The following LRRC4C variants were observed in gnomAD, a reference collection of about 807,000 sequenced individuals.
LRRC4C encodes leucine rich repeat containing 4C.
LRRC4C carries 5 observed loss-of-function variants against 33.6 expected under a neutral mutation model. That is an observed-to-expected ratio of 0.15 (90% CI 0.08 to 0.31). The LOEUF is 0.31. LRRC4C is among the 10% of genes least tolerant of loss of function. The pLI is 1.00. For missense variants in LRRC4C, 560 were observed against 796.7 expected (o/e 0.70, Z 3.58); for synonymous variants, 329 against 302.0 (o/e 1.09, Z -0.93).
intron 1 of LRRC4C, among the ~76,000 whole-genome samples, chr11:41,232,893 T>C (rs1001900468): frequency 1.3e-5 from 2 of 152,040 alleles, no homozygotes; most frequent in African/African-American, 4.8e-5. Context: ...TAATGTTTAG[T>C]TAAGTCAACA....
intron 2 of LRRC4C, among the ~76,000 whole-genome samples, chr11:40,714,494 A>T (rs1197393867): frequency 6.6e-6 from 1 of 152,198 alleles, no homozygotes; most frequent in Non-Finnish European, 1.5e-5. Context: ...CTTGTAAATC[A>T]ATTGTTTGCA....
chr11:41,015,280 A>G (rs183019796), intron 1 of LRRC4C, among the ~76,000 whole-genome samples: 3 of 152,254 alleles, frequency 2.0e-5, no homozygotes, highest in Admixed American at 1.3e-4. Context: ...TTATTGAAAG[A>G]CCTTTTTATA....
chr11:40,528,478 T>TA (rs551637265), intron 3 of LRRC4C, among the ~76,000 whole-genome samples: 2,742 of 137,906 alleles, frequency 0.02, 89 homozygotes, highest in African/African-American at 0.066. Flanking sequence ...ATGTCTTTTA[T>TA]AAAAAAAAAA....
At chr11:40,272,938 A>G (rs180699000) in intron 4 of LRRC4C, among the ~76,000 whole-genome samples, 169 of 152,000 alleles carry the variant, frequency 1.1e-3, no homozygotes, top group African/African-American at 3.8e-3. Flanking sequence ...CAATATGATT[A>G]AGACTCAAAA....
chr11:40,209,781 A>T (rs976799410), intron 5 of LRRC4C, among the ~76,000 whole-genome samples: 2 of 152,216 alleles, frequency 1.3e-5, no homozygotes, highest in African/African-American at 4.8e-5. Flanking sequence ...CTGTTCCTCA[A>T]GAACTTTAAT....
intron 1 of LRRC4C, among the ~76,000 whole-genome samples, chr11:41,057,054 G>T (rs1858675558): frequency 6.6e-6 from 1 of 152,170 alleles, no homozygotes; most frequent in African/African-American, 2.4e-5. Context: ...ACCCTCCAGG[G>T]CAAAGCTGCA....
At position 40,257,646 on chromosome 11, in the gene LRRC4C, C is replaced by T. The variant is rs142477187; in HGVS notation, c.-175-16048G>A. Among the ~76,000 whole-genome samples the T allele has an allele frequency of 6.8e-3, 1,031 of 152,190 alleles. 13 individuals carry two copies. Among genetic ancestry groups the T allele is most frequent in the African/African-American group, 0.023 (948 of 41,528 alleles). ...TTTCCAGCCAATAAAACATAAAAGACGGCTTAGTAAAGAGTTCTGAGAAAG... is the reference window on the plus strand; with the variant it reads ...TTTCCAGCCAATAAAACATAAAAGATGGCTTAGTAAAGAGTTCTGAGAAAG... On this transcript the variant is annotated intron_variant, in intron 4 of 6. Transcript: ENST00000528697.
intron 1 of LRRC4C, among the ~76,000 whole-genome samples, chr11:41,377,955 T>G (rs1953000034): frequency 6.6e-6 from 1 of 152,182 alleles, no homozygotes. Context: ...TCACTTTCCC[T>G]TATATTTAAT....
At chr11:41,171,821 G>A (rs529800172) in intron 1 of LRRC4C, among the ~76,000 whole-genome samples, 1 of 151,924 alleles carries the variant, frequency 6.6e-6, no homozygotes, top group Non-Finnish European at 1.5e-5. Flanking sequence ...ATTAGCAGGT[G>A]ACCCAATCTG....
At chr11:40,527,197 C>T (rs777558231) in intron 3 of LRRC4C, among the ~76,000 whole-genome samples, 4 of 152,004 alleles carry the variant, frequency 2.6e-5, no homozygotes, top group African/African-American at 7.2e-5. Flanking sequence ...TCTGGGAGCA[C>T]GGACAAAGAG....
intron 1 of LRRC4C, among the ~76,000 whole-genome samples, chr11:41,452,205 C>A (rs1023080972): frequency 2.3e-4 from 35 of 152,062 alleles, no homozygotes; most frequent in Non-Finnish European, 7.4e-5. Context: ...GTACACCCTG[C>A]ACCATTGTGT....
rs189415091 is a variant in LRRC4C, at chr11:40,707,523, C to T, written c.-406-59245G>A. 8.1e-4 allele frequency among the ~76,000 whole-genome samples: 124 copies of T among 152,210 alleles called. 1 individual carries two copies. Among genetic ancestry groups the T allele is most frequent in the African/African-American group, 2.9e-3 (122 of 41,542 alleles). On this transcript the variant is annotated intron_variant, in intron 2 of 6. Coordinates refer to ENST00000528697, the MANE Select transcript of LRRC4C (RefSeq NM_001258419.2). ...GTGATGGATTACATTTATTGATTTG[C>T]TTATGCTGAACCAGCCTTGCATCTC...
chr11:41,350,143 CT>C (rs1375496280), intron 1 of LRRC4C, among the ~76,000 whole-genome samples: 2 of 152,152 alleles, frequency 1.3e-5, no homozygotes, highest in African/African-American at 4.8e-5. Context: ...TAGTTTTGAC[CT>C]CAGTGACTAC....
chr11:40,782,756 C>T (rs1950262938), intron 2 of LRRC4C, among the ~76,000 whole-genome samples: 1 of 152,088 alleles, frequency 6.6e-6, no homozygotes. Context: ...AGATATTACT[C>T]AAAATAACAA....
intron 2 of LRRC4C, among the ~76,000 whole-genome samples, chr11:40,821,164 G>A (rs1293457033): frequency 6.6e-6 from 1 of 151,534 alleles, no homozygotes; most frequent in Non-Finnish European, 1.5e-5. Context: ...TATATAAATG[G>A]AGATGTATTT....
chr11:40,466,984 T>G (rs1952683610), intron 3 of LRRC4C, among the ~76,000 whole-genome samples: 1 of 152,162 alleles, frequency 6.6e-6, no homozygotes, highest in Admixed American at 6.5e-5. Flanking sequence ...TGATGAAGCA[T>G]GCATGTTTGA....
At chr11:40,187,591 G>A (rs776616092) in intron 5 of LRRC4C, among the ~76,000 whole-genome samples, 4 of 151,976 alleles carry the variant, frequency 2.6e-5, no homozygotes, top group Non-Finnish European at 5.9e-5. Flanking sequence ...AGACCCTGAA[G>A]ATTAACCAGC....
At chr11:41,022,547 C>A (rs1856058343) in intron 1 of LRRC4C, among the ~76,000 whole-genome samples, 1 of 151,712 alleles carries the variant, frequency 6.6e-6, no homozygotes, top group African/African-American at 2.4e-5. Context: ...AGACCTACAT[C>A]AGGGTGTTAG....
chr11:41,086,375 T>A (rs1939991462), intron 1 of LRRC4C, among the ~76,000 whole-genome samples: 1 of 152,166 alleles, frequency 6.6e-6, no homozygotes, highest in Admixed American at 6.5e-5. Flanking sequence ...GCTGTTGTTA[T>A]TTAATAAAAG....
Sources: allele counts gnomAD v4.1 joint callset (sites outside exome capture counted in the v4.1 genomes callset), GRCh38; gene constraint gnomAD v4.1.1; transcripts MANE v1.5; gene names NCBI Gene and HGNC (gene_info 2026-07-23, HGNC 2026-07-21).